PIGL: variants seen among roughly 807,000 people sequenced by gnomAD.
The protein encoded by PIGL is phosphatidylinositol glycan anchor biosynthesis class L, also known as N-acetylglucosaminyl-phosphatidylinositol de-N-acetylase.
In PIGL, 22 loss-of-function variants were observed where a neutral mutation model predicts 31.1. The ratio of observed to expected loss-of-function variants is 0.71; its 90% CI spans 0.51 to 1.01. PIGL has a LOEUF of 1.01. Among genes scored for constraint, PIGL ranks in the 50% least tolerant of loss-of-function variants. The probability of loss-of-function intolerance (pLI) is 0.00; values close to 1 mark genes in which losing one functional copy is unlikely to be tolerated. For missense variants in PIGL, 302 were observed against 315.9 expected (o/e 0.96, Z 0.33); for synonymous variants, 131 against 117.4 (o/e 1.12, Z -0.75).
At chr17:16,235,435 C>CTTTTTTTTTTT (rs903174807) in intron 2 of PIGL, among the ~76,000 whole-genome samples, 1 of 90,924 alleles carries the variant, frequency 1.1e-5, no homozygotes, top group Non-Finnish European at 2.2e-5. Context: ...TGTCTACGTT[C>CTTTTTTTTTTT]TTTTTTTTTT....
rs144858945 is a variant in PIGL, at chr17:16,255,549, G to T, written c.335+21479G>T. 4.7e-4 allele frequency among the ~76,000 whole-genome samples: 71 copies of T among 152,232 alleles called. No homozygotes were observed. The East Asian group carries it at 0.01, about 22-fold the overall frequency. ...GTTTTCCAATAAATCCATGCAAATCGTAACAGGGAAAGAGAAGCCACAAAG... is the reference window on the plus strand; with the variant it reads ...GTTTTCCAATAAATCCATGCAAATCTTAACAGGGAAAGAGAAGCCACAAAG... On this transcript the variant is annotated intron_variant, in intron 2 of 6. Coordinates refer to ENST00000225609, the MANE Select transcript of PIGL (RefSeq NM_004278.4).
At chr17:16,319,207 A>G (rs1392418695) in intron 6 of PIGL, among the ~76,000 whole-genome samples, 2 of 124,278 alleles carry the variant, frequency 1.6e-5, no homozygotes, top group Non-Finnish European at 1.6e-5. Context: ...CCTGGGCAAC[A>G]GAGCCAGACC....
At chr17:16,255,465 G>A (rs1452034557) in intron 2 of PIGL, among the ~76,000 whole-genome samples, 3 of 152,130 alleles carry the variant, frequency 2.0e-5, no homozygotes, top group African/African-American at 7.2e-5. Context: ...AATATAATCT[G>A]GTACCTACTA....
intron 3 of PIGL, among the ~76,000 whole-genome samples, chr17:16,300,882 A>T (rs948884387): frequency 2.0e-5 from 3 of 152,132 alleles, no homozygotes; most frequent in Non-Finnish European, 4.4e-5. Context: ...AATAGCAGAG[A>T]TTTGTATTTA....
chr17:16,256,181 T>C (rs2092792915), intron 2 of PIGL, among the ~76,000 whole-genome samples: 1 of 152,206 alleles, frequency 6.6e-6, no homozygotes, highest in Non-Finnish European at 1.5e-5. Flanking sequence ...GCACTATTTA[T>C]AATAGCAAAA....
chr17:16,304,429 A>G (rs931105523), intron 3 of PIGL, among the ~76,000 whole-genome samples: 12 of 152,108 alleles, frequency 7.9e-5, no homozygotes, highest in Non-Finnish European at 1.3e-4. Flanking sequence ...CATCATAAAG[A>G]CCATAAGGAA....
intron 2 of PIGL, among the ~76,000 whole-genome samples, chr17:16,278,751 T>C (rs1276499959): frequency 6.6e-6 from 1 of 152,060 alleles, no homozygotes; most frequent in African/African-American, 2.4e-5. Context: ...CTTTTTATAA[T>C]CTTTTACCAA....
intron 1 of PIGL, among the ~76,000 whole-genome samples, chr17:16,225,946 C>T (rs998322198): frequency 1.3e-5 from 2 of 150,790 alleles, no homozygotes; most frequent in African/African-American, 2.4e-5. Context: ...TTTCTGAGGC[C>T]GAAGCAGGAG....
intron 2 of PIGL, among the ~76,000 whole-genome samples, chr17:16,266,231 A>C (rs1230322141): frequency 6.6e-6 from 1 of 151,810 alleles, no homozygotes. Flanking sequence ...CCTGGCCAAC[A>C]TGGTGAAAAC....
At chr17:16,272,912 G>A (rs1448671991) in intron 2 of PIGL, among the ~76,000 whole-genome samples, 1 of 152,034 alleles carries the variant, frequency 6.6e-6, no homozygotes, top group African/African-American at 2.4e-5. Flanking sequence ...TGTGATTGAG[G>A]TATTTACAAA....
intron 2 of PIGL, among the ~76,000 whole-genome samples, chr17:16,266,589 C>T (rs2092844157): frequency 6.6e-6 from 1 of 151,464 alleles, no homozygotes; most frequent in African/African-American, 2.4e-5. Context: ...AGCTGCTCAA[C>T]AGATAATAGT....
intron 2 of PIGL, among the ~76,000 whole-genome samples, chr17:16,270,357 A>G (rs2092865728): frequency 6.6e-6 from 1 of 151,792 alleles, no homozygotes; most frequent in South Asian, 2.1e-4. Flanking sequence ...ACTATAACAT[A>G]TTTAGTTCAT....
At chr17:16,324,398 G>C (rs1224342509) in intron 6 of PIGL, 2 of 151,856 alleles carry the variant, frequency 1.3e-5, no homozygotes, top group East Asian at 3.9e-4. Flanking sequence ...TGGCGATCTC[G>C]GTTCACTGCA....
intron 6 of PIGL, among the ~76,000 whole-genome samples, chr17:16,323,010 T>C (rs186624944): frequency 6.6e-6 from 1 of 152,296 alleles, no homozygotes; most frequent in East Asian, 1.9e-4. Flanking sequence ...TCAGTGCTAA[T>C]GAATCAACAA....
intron 6 of PIGL, among the ~76,000 whole-genome samples, chr17:16,321,694 T>C (rs1011854084): frequency 3.3e-5 from 5 of 152,152 alleles, no homozygotes; most frequent in Admixed American, 3.3e-4. Flanking sequence ...ACTTCATTTA[T>C]GGTTTTATTC....
At chr17:16,325,332 C>CAAAAAAAAAAAAA (rs55958956) in intron 6 of PIGL, among the ~76,000 whole-genome samples, 2 of 69,278 alleles carry the variant, frequency 2.9e-5, no homozygotes, top group Non-Finnish European at 5.4e-5. Flanking sequence ...GCAACAGGCT[C>CAAAAAAAAAAAAA]AAAAAAAAAA....
chr17:16,320,533 AGAAGGAAG>A (rs545055209), intron 6 of PIGL, among the ~76,000 whole-genome samples: 24 of 145,446 alleles, frequency 1.7e-4, no homozygotes, highest in South Asian at 4.4e-4. Context: ...AAAGAAAAGA[AGAAGGAAG>A]GAAGGAAGGA....
At chr17:16,229,858 A>AT (rs71150280) in intron 1 of PIGL, among the ~76,000 whole-genome samples, 39,949 of 94,896 alleles carry the variant, frequency 0.42, 10,600 homozygotes, top group East Asian at 0.76. Context: ...TAAAGTCATG[A>AT]TTTTTTTTTT....
chr17:16,268,146 G>C (rs570268980), intron 2 of PIGL, among the ~76,000 whole-genome samples: 3 of 152,330 alleles, frequency 2.0e-5, no homozygotes, highest in African/African-American at 7.2e-5. Context: ...TCCTGAAGAT[G>C]ATGACTGGTC....
Sources: allele counts gnomAD v4.1 joint callset (sites outside exome capture counted in the v4.1 genomes callset), GRCh38; gene constraint gnomAD v4.1.1; transcripts MANE v1.5; gene names NCBI Gene and HGNC (gene_info 2026-07-23, HGNC 2026-07-21).